The following CTNNA2 variants were observed in gnomAD, a reference collection of about 807,000 sequenced individuals.
CTNNA2 encodes the protein catenin alpha 2, also known as catenin alpha-2.
In CTNNA2, 42 loss-of-function variants were observed where a neutral mutation model predicts 101.0. The ratio of observed to expected loss-of-function variants is 0.42; its 90% CI spans 0.32 to 0.54. The LOEUF (loss-of-function observed/expected upper bound fraction) is 0.54, where lower values mean the gene tolerates loss of function less well. CTNNA2 is among the 20% of genes least tolerant of loss of function. The pLI is 0.14. For synonymous variants in CTNNA2, 450 were observed against 456.4 expected, an observed-to-expected ratio of 0.99 and a Z score of 0.18; for missense variants, 871 against 1,223.1, an observed-to-expected ratio of 0.71 and a Z score of 4.29.
chr2:79,228,300 C>G (rs1156906409), intron 2 of CTNNA2, among the ~76,000 whole-genome samples: 1 of 152,174 alleles, frequency 6.6e-6, no homozygotes, highest in East Asian at 1.9e-4. Context: ...AATGGTAGTT[C>G]TCTTTTAAGT....
intron 4 of CTNNA2, among the ~76,000 whole-genome samples, chr2:79,413,976 C>G (rs555753311): frequency 7.5e-6 from 1 of 133,002 alleles, no homozygotes; most frequent in African/African-American, 2.8e-5. Flanking sequence ...TATATATAAG[C>G]TTTTTAGTTT....
intron 7 of CTNNA2, among the ~76,000 whole-genome samples, chr2:80,339,511 C>T (rs944730495): frequency 2.6e-5 from 4 of 152,184 alleles, no homozygotes; most frequent in African/African-American, 9.7e-5. Flanking sequence ...AATACCCTGA[C>T]AAATCTTATC....
intron 2 of CTNNA2, among the ~76,000 whole-genome samples, chr2:79,704,510 C>CTTTTTT (rs780311540): frequency 2.4e-5 from 3 of 127,578 alleles, no homozygotes; most frequent in Admixed American, 8.1e-5. Context: ...ACTTGTGCTT[C>CTTTTTT]TTTTTTTTTT....
chr2:80,637,365 T>C (rs967246361), intron 18 of CTNNA2, among the ~76,000 whole-genome samples: 2 of 152,158 alleles, frequency 1.3e-5, no homozygotes, highest in Non-Finnish European at 2.9e-5. Context: ...TTCAAGATCG[T>C]GTAGTTAGTG....
At chr2:80,186,074 AC>A (rs1357372637) in intron 7 of CTNNA2, among the ~76,000 whole-genome samples, 1 of 151,926 alleles carries the variant, frequency 6.6e-6, no homozygotes, top group Non-Finnish European at 1.5e-5. Context: ...ACTGTGGCCA[AC>A]TCTGCCACTT....
chr2:80,446,770 A>C (rs886752881), intron 9 of CTNNA2, among the ~76,000 whole-genome samples: 1 of 152,220 alleles, frequency 6.6e-6, no homozygotes. Flanking sequence ...ACAGACTCCT[A>C]TTAAGGAAAA....
intron 9 of CTNNA2, among the ~76,000 whole-genome samples, chr2:80,491,936 C>A (rs978929405): frequency 6.6e-6 from 1 of 152,126 alleles, no homozygotes; most frequent in African/African-American, 2.4e-5. Flanking sequence ...GTGGGGGTAT[C>A]CACCGTCCAT....
At chr2:80,220,894 T>C (rs995997899) in intron 7 of CTNNA2, among the ~76,000 whole-genome samples, 3 of 152,234 alleles carry the variant, frequency 2.0e-5, no homozygotes, top group Non-Finnish European at 1.5e-5. Flanking sequence ...TTTGTTTTTG[T>C]TTTCTGAGAC....
chr2:79,670,674 C>A (rs999574641), intron 2 of CTNNA2, among the ~76,000 whole-genome samples: 1 of 152,054 alleles, frequency 6.6e-6, no homozygotes, highest in African/African-American at 2.4e-5. Flanking sequence ...TTTTAAAAAC[C>A]TAATACTTAG....
intron 1 of CTNNA2, among the ~76,000 whole-genome samples, chr2:79,569,107 T>G (rs929030673): frequency 6.6e-6 from 1 of 152,204 alleles, no homozygotes; most frequent in Non-Finnish European, 1.5e-5. Flanking sequence ...TTCATTGATT[T>G]ATTTTTTCAA....
intron 7 of CTNNA2, among the ~76,000 whole-genome samples, chr2:79,974,785 G>A (rs917954282): frequency 2.0e-5 from 3 of 152,150 alleles, no homozygotes; most frequent in South Asian, 4.1e-4. Context: ...AACATGCAAT[G>A]TTATAAAGTG....
chr2:80,036,848 TGA>T (rs71965090), intron 7 of CTNNA2, among the ~76,000 whole-genome samples: 22,730 of 119,658 alleles, frequency 0.19, 1,905 homozygotes, highest in Middle Eastern at 0.31. Flanking sequence ...TGTGTGTGTG[TGA>T]GAGAGAGAGA....
chr2:79,914,166 CA>C (rs55675912), intron 7 of CTNNA2, among the ~76,000 whole-genome samples: 43,897 of 90,300 alleles, frequency 0.49, 6,922 homozygotes, highest in South Asian at 0.56. Context: ...GACTCCGTCT[CA>C]AAAAAAAAAA....
At chr2:79,430,232 T>G (rs537829318) in intron 4 of CTNNA2, among the ~76,000 whole-genome samples, 15 of 152,236 alleles carry the variant, frequency 9.9e-5, no homozygotes, top group Middle Eastern at 3.4e-3. Context: ...TCAGGCAGGT[T>G]GTCCAAATGT....
At chr2:79,569,327 G>A (rs928976975) in intron 1 of CTNNA2, among the ~76,000 whole-genome samples, 5 of 152,160 alleles carry the variant, frequency 3.3e-5, no homozygotes, top group African/African-American at 1.2e-4. Flanking sequence ...TCGGCTGGGG[G>A]GTCTTGAGGT....
chr2:80,555,980 G>GAA, intron 12 of CTNNA2, 87 bp downstream of exon 12: 3 of 928,284 alleles, frequency 3.2e-6, no homozygotes, highest in Non-Finnish European at 4.6e-6. Context: ...GATTTCTGTA[G>GAA]GCCTTTATGC....
chr2:79,848,432 C>G (rs574357612), intron 3 of CTNNA2, among the ~76,000 whole-genome samples: 1 of 152,280 alleles, frequency 6.6e-6, no homozygotes, highest in Admixed American at 6.5e-5. Context: ...TGGAATGTGG[C>G]TATTGCTACA....
chr2:80,348,806 G>T (rs573845083), intron 7 of CTNNA2, among the ~76,000 whole-genome samples: 1 of 152,126 alleles, frequency 6.6e-6, no homozygotes, highest in African/African-American at 2.4e-5. Context: ...GGTGACTGAG[G>T]AGCACAAGGT....
At chr2:80,635,191 T>C (rs1227542638) in intron 18 of CTNNA2, among the ~76,000 whole-genome samples, 1 of 152,118 alleles carries the variant, frequency 6.6e-6, no homozygotes, top group East Asian at 1.9e-4. Context: ...ATTATTTGAA[T>C]GTGTGTTAAT....
Sources: gnomAD v4.1 joint callset for allele counts (sites outside exome capture counted in the v4.1 genomes callset) on GRCh38, gnomAD v4.1.1 for gene constraint, MANE v1.5 for transcripts, NCBI Gene and HGNC (gene_info 2026-07-23, HGNC 2026-07-21) for gene names.